The following OR1L8 variants were observed in gnomAD, a reference collection of about 807,000 sequenced individuals.
OR1L8 encodes the protein olfactory receptor 1L8.
For missense variants in OR1L8, 330 were observed against 377.4 expected, an observed-to-expected ratio of 0.87 and a Z score of 1.04; for synonymous variants, 148 against 147.0, an observed-to-expected ratio of 1.01 and a Z score of -0.05.
chr9:122,550,169 C>G, the OR1L8 span, among the ~76,000 whole-genome samples: 1 of 152,018 alleles, frequency 6.6e-6, no homozygotes, highest in Non-Finnish European at 1.5e-5. Context: ...TGGATAAATT[C>G]TTGAAATATA....
chr9:122,562,548 T>A (rs923065889), downstream of OR1L8, among the ~76,000 whole-genome samples: 4 of 152,120 alleles, frequency 2.6e-5, no homozygotes, highest in African/African-American at 9.7e-5. Flanking sequence ...ACCACCTCCC[T>A]TGGCTGGTGG....
At chr9:122,579,975 G>A (rs1258113421) in intron 1 of OR1L8, among the ~76,000 whole-genome samples, 3 of 152,022 alleles carry the variant, frequency 2.0e-5, no homozygotes, top group African/African-American at 4.8e-5. Flanking sequence ...TCAGAAGGTC[G>A]CCATTGAAAC....
the OR1L8 span, among the ~76,000 whole-genome samples, chr9:122,561,250 A>G: frequency 6.6e-6 from 1 of 152,156 alleles, no homozygotes; most frequent in Non-Finnish European, 1.5e-5. Flanking sequence ...AGCCTTTATC[A>G]AGGTCCTTAG....
chr9:122,561,737 G>A, the OR1L8 span, among the ~76,000 whole-genome samples: 3 of 152,110 alleles, frequency 2.0e-5, no homozygotes, highest in Non-Finnish European at 4.4e-5. Flanking sequence ...TGACCTTGAG[G>A]GGCACCGACC....
the OR1L8 span, among the ~76,000 whole-genome samples, chr9:122,550,149 C>T: frequency 6.6e-6 from 1 of 151,992 alleles, no homozygotes; most frequent in Non-Finnish European, 1.5e-5. Context: ...ATGAGAAAAC[C>T]TTGAGGAAAT....
chr9:122,580,703 T>G (rs1393796739), intron 1 of OR1L8, among the ~76,000 whole-genome samples: 1 of 151,886 alleles, frequency 6.6e-6, no homozygotes, highest in African/African-American at 2.4e-5. Context: ...AAAGAATGGT[T>G]GTTGTATTGT....
the OR1L8 span, chr9:122,554,148 A>C: frequency 6.2e-7 from 1 of 1,611,056 alleles, no homozygotes; most frequent in Non-Finnish European, 8.5e-7. Flanking sequence ...CAGTGGAAAA[A>C]CATTCTTTTT....
chr9:122,567,855 A>G lies in OR1L8; in HGVS notation c.623T>C (p.Leu208Ser). The G allele has an allele frequency of 6.2e-7, 1 of 1,614,056 alleles. No homozygotes were observed. Among genetic ancestry groups the G allele is most frequent in the South Asian group, 1.1e-5 (1 of 91,058 alleles). ...IVQMTEAPIVLVTRFLCIAFS... is the reference protein window; with the variant it reads ...IVQMTEAPIVSVTRFLCIAFS... ...AGCAATGCAGAGAAAACGAGTCACC[A>G]AAACAATAGGTGCTTCTGTCATCTG... Residue 208 changes from leucine (L) to serine (S), a missense_variant, in exon 5 of 5, where the codon TTG (leucine) becomes TCG (serine). Physicochemically the swap from Leu to Ser is moderately radical, Grantham distance 145 (BLOSUM62 -2). Transcript: ENST00000641027.
At chr9:122,576,302 A>G (rs973630247) in intron 3 of OR1L8, among the ~76,000 whole-genome samples, 1 of 151,712 alleles carries the variant, frequency 6.6e-6, no homozygotes, top group African/African-American at 2.4e-5. Flanking sequence ...GCCCACTGCA[A>G]CCTCCGCCTC....
chr9:122,567,297 T>G lies in OR1L8; in HGVS notation c.*251A>C, dbSNP rs559329248. ...GAAAGGATTAGATTAAAGCAGTTTT[T>G]GGAAAATGAGAAAGTGGAAAAAATA... On this transcript the variant is annotated 3_prime_UTR_variant, in exon 5 of 5. Coordinates refer to ENST00000641027, the MANE Select transcript of OR1L8 (RefSeq NM_001004454.2). 1 of 366,628 alleles carries G rather than the reference T, an allele frequency of 2.7e-6. No individual in the cohort carries two copies. Among genetic ancestry groups the G allele is most frequent in the Admixed American group, 4.1e-5 (1 of 24,258 alleles). The allele number at this position is 366,628 out of a possible 1,614,324, so 22.7% of individuals were successfully genotyped here.
At chr9:122,549,485 A>T in the OR1L8 span, among the ~76,000 whole-genome samples, 1 of 152,204 alleles carries the variant, frequency 6.6e-6, no homozygotes, top group South Asian at 2.1e-4. Context: ...TAGGATTTGT[A>T]TAGTTTCAGG....
Position 122,567,671 on chromosome 9 carries a change from G to C in OR1L8, c.807C>G (p.Val269=), listed in dbSNP as rs1386036329. Residue 269 remains valine, a synonymous_variant, in exon 5 of 5, where the codon GTC becomes GTG. Coordinates refer to ENST00000641027, the MANE Select transcript of OR1L8 (RefSeq NM_001004454.2). ...AAACAATTGTTGCCACGTGGTCCTT[G>C]ACAGCGTAGGTGGATGGGGGCTGTA... ...VYLQPPSTYA[V]KDHVATIVYT... is the part of the protein sequence containing the mutation. 4.3e-6 allele frequency: 7 copies of C among 1,614,126 alleles called. No individual in the cohort carries two copies. Among genetic ancestry groups the C allele is most frequent in the African/African-American group, 1.3e-5 (1 of 75,040 alleles).
At chr9:122,561,920 C>T in the OR1L8 span, among the ~76,000 whole-genome samples, 4 of 152,262 alleles carry the variant, frequency 2.6e-5, no homozygotes, top group South Asian at 4.1e-4. Flanking sequence ...TGCCCAGATT[C>T]CTCAGAACTA....
Position 122,568,375 on chromosome 9 carries a change from C to T in OR1L8, c.103G>A (p.Val35Met), listed in dbSNP as rs149595522. Residue 35 changes from valine (V) to methionine (M), a missense_variant, in exon 5 of 5, where the codon GTG becomes ATG. Physicochemically the swap from Val to Met is conservative, Grantham distance 21. Coordinates refer to ENST00000641027, the MANE Select transcript of OR1L8 (RefSeq NM_001004454.2). ...QKTLFVLFLIVYLVTITGNLL... is the reference protein window; with the variant it reads ...QKTLFVLFLIMYLVTITGNLL... ...TTCCCTGTTATGGTGACCAGGTACACGATGAGGAAGAGAACAAAGAGTGTC... is the reference window on the plus strand; with the variant it reads ...TTCCCTGTTATGGTGACCAGGTACATGATGAGGAAGAGAACAAAGAGTGTC... The T allele has an allele frequency of 6.8e-5, 109 of 1,613,614 alleles. No individual in the cohort carries two copies. Among genetic ancestry groups the T allele is most frequent in the African/African-American group, 1.9e-4 (14 of 74,864 alleles).
chr9:122,546,854 CG>C, the OR1L8 span, among the ~76,000 whole-genome samples: 1 of 151,960 alleles, frequency 6.6e-6, no homozygotes, highest in African/African-American at 2.4e-5. Flanking sequence ...TGTATGTATT[CG>C]GGGGGTACAT....
intron 3 of OR1L8, among the ~76,000 whole-genome samples, chr9:122,575,021 A>T (rs1454854614): frequency 5.3e-5 from 8 of 152,050 alleles, no homozygotes; most frequent in Admixed American, 4.6e-4. Context: ...GGAATGTTGA[A>T]CCAGGCTTGC....
At chr9:122,553,383 C>G in the OR1L8 span, 1 of 1,614,154 alleles carries the variant, frequency 6.2e-7, no homozygotes, top group Non-Finnish European at 8.5e-7. Context: ...TGACCCACAC[C>G]TCCATACTCC....
In OR1L8 at chr9:122,568,313, AT is replaced by A; in HGVS notation, c.164del (p.His55LeufsTer10). Reference protein sequence around the residue: ...LIILAIRFNPHLQTPMYFFLS... With the variant: ...LIILAIRFNPXLQTPMYFFLS... ...AGAAGAAATACATAGGGGTCTGAAG[AT>A]GGGGGTTGAAGCGAATGGCCAGGAT... On this transcript the variant is annotated frameshift_variant, in exon 5 of 5. Coordinates refer to ENST00000641027, the MANE Select transcript of OR1L8 (RefSeq NM_001004454.2). LOFTEE classifies it low-confidence loss of function (END_TRUNC). 1 of 1,614,130 alleles carries A rather than the reference AT, an allele frequency of 6.2e-7. No homozygotes were observed. Among genetic ancestry groups the A allele is most frequent in the South Asian group, 1.1e-5 (1 of 91,078 alleles).
intron 2 of OR1L8, among the ~76,000 whole-genome samples, chr9:122,577,375 G>A (rs1793180459): frequency 6.6e-6 from 1 of 152,140 alleles, no homozygotes; most frequent in Non-Finnish European, 1.5e-5. Flanking sequence ...AAAGTTTTCA[G>A]TAGTTTTACA....
Sources: gnomAD v4.1 joint callset for allele counts (sites outside exome capture counted in the v4.1 genomes callset) on GRCh38, gnomAD v4.1.1 for gene constraint, MANE v1.5 for transcripts, NCBI Gene and HGNC (gene_info 2026-07-23, HGNC 2026-07-21) for gene names.